ATP2B2: variants seen among roughly 807,000 people sequenced by gnomAD.
ATP2B2 encodes ATPase plasma membrane Ca2+ transporting 2.
In ATP2B2, 15 loss-of-function variants were observed where a neutral mutation model predicts 120.0. That is an observed-to-expected ratio of 0.12 (90% CI 0.08 to 0.19). The LOEUF (loss-of-function observed/expected upper bound fraction) is 0.19. Ranked by LOEUF, ATP2B2 falls within the 10% of genes least tolerant of loss-of-function variation. ATP2B2 has a pLI of 1.00. For missense variants in ATP2B2, 1,045 were observed against 1,719.8 expected, an observed-to-expected ratio of 0.61 and a Z score of 6.94; for synonymous variants, 694 against 700.3, an observed-to-expected ratio of 0.99 and a Z score of 0.14.
Position 10,490,486 on chromosome 3 carries a change from C to G in ATP2B2, c.-320+14979G>C, listed in dbSNP as rs2065894464. Among the ~76,000 whole-genome samples, 4 of 149,446 alleles carry G rather than the reference C, an allele frequency of 2.7e-5. No homozygotes were observed. In the South Asian group the frequency reaches 6.4e-4, roughly 24 times the overall value. On this transcript the variant is annotated intron_variant, in intron 1 of 22. Coordinates refer to ENST00000360273, the MANE Select transcript of ATP2B2 (RefSeq NM_001001331.4). Reference sequence around the variant, plus strand: ...TGATGAAATCTCGGCTCACTGCAACCTCCTCCTGTGTTTAAGCAATTCCTG... The same window carrying G: ...TGATGAAATCTCGGCTCACTGCAACGTCCTCCTGTGTTTAAGCAATTCCTG...
chr3:10,619,840 C>T (rs1209400778), intron 2 of ATP2B2: 4 of 152,256 alleles, frequency 2.6e-5, no homozygotes, highest in Non-Finnish European at 5.9e-5. Context: ...CTGCCAGAAG[C>T]TCTGGGTGCA....
intron 1 of ATP2B2, among the ~76,000 whole-genome samples, chr3:10,688,069 CT>C (rs1559522071): frequency 6.6e-6 from 1 of 152,090 alleles, no homozygotes; most frequent in Non-Finnish European, 1.5e-5. Context: ...ACCATGACCC[CT>C]ATGAGGAAGT....
intron 22 of ATP2B2, chr3:10,332,291 G>A (rs1445874183): frequency 2.1e-6 from 1 of 478,436 alleles, no homozygotes; most frequent in East Asian, 3.1e-5. Flanking sequence ...TGTCTAGCAA[G>A]GTACGGCGTC....
At chr3:10,548,850 G>C (rs1010314700) in intron 2 of ATP2B2, among the ~76,000 whole-genome samples, 6 of 152,188 alleles carry the variant, frequency 3.9e-5, no homozygotes, top group African/African-American at 1.4e-4. Flanking sequence ...CTTTCCCAGC[G>C]TAACATGGAA....
At chr3:10,379,139 T>C (rs1299946707) in intron 9 of ATP2B2, 104 bp downstream of exon 9, 2 of 1,348,564 alleles carry the variant, frequency 1.5e-6, no homozygotes, top group South Asian at 2.4e-5. Context: ...GGAGTGGATG[T>C]GTCTGCCTCT....
rs2061357326 is a variant in ATP2B2 at position 10,375,515 on chromosome 3, A to G, written c.1331T>C (p.Phe444Ser). Residue 444 changes from phenylalanine to serine, a missense_variant, in exon 11 of 23, where the codon TTC becomes TCC. Phe to Ser is a radical substitution (Grantham distance 155). This residue lies in a region of ATP2B2 where 343 missense variants were observed against 536.8 expected (regional missense o/e 0.64). Coordinates refer to ENST00000360273, the MANE Select transcript of ATP2B2 (RefSeq NM_001001331.4). This position sits in a 1 kb window ranked among gnomAD's most constrained non-coding sequence, Gnocchi z 4.2. ...PVYVQYFVKFFIIGVTVLVVA... is the reference protein window; with the variant it reads ...PVYVQYFVKFSIIGVTVLVVA... ...CACCAGCACCGTCACGCCAATGATG[A>G]AGAACTTGACAAAGTACTGCACGTA... The G allele has an allele frequency of 5.0e-6, 8 of 1,613,600 alleles. No homozygotes were observed. Among genetic ancestry groups the G allele is most frequent in the African/African-American group, 1.3e-5 (1 of 74,922 alleles).
At chr3:10,455,570 C>A (rs1017969398) in intron 1 of ATP2B2, among the ~76,000 whole-genome samples, 1 of 152,248 alleles carries the variant, frequency 6.6e-6, no homozygotes, top group African/African-American at 2.4e-5. Flanking sequence ...TTGAGTCCCC[C>A]CTGCTCCCCT....
chr3:10,700,301 A>T (rs937745238), intron 1 of ATP2B2, among the ~76,000 whole-genome samples: 19 of 152,138 alleles, frequency 1.2e-4, no homozygotes, highest in Non-Finnish European at 2.4e-4. Context: ...GCCTCACAGA[A>T]AAAGCCCAAT....
chr3:10,334,777 C>T (rs1355264813), intron 22 of ATP2B2, among the ~76,000 whole-genome samples: 1 of 151,264 alleles, frequency 6.6e-6, no homozygotes, highest in Non-Finnish European at 1.5e-5. Flanking sequence ...CTGAGGGAGG[C>T]GCTCCCACCA....
chr3:10,336,192 T>C, intron 22 of ATP2B2: 1 of 1,550,638 alleles, frequency 6.4e-7, no homozygotes, highest in Non-Finnish European at 8.7e-7. Context: ...GACACGCGAC[T>C]AGGGCTAGAG....
intron 1 of ATP2B2, among the ~76,000 whole-genome samples, chr3:10,662,076 T>C (rs1478308867): frequency 6.6e-6 from 1 of 152,168 alleles, no homozygotes; most frequent in African/African-American, 2.4e-5. Flanking sequence ...GATCCCTTCC[T>C]TACACCTTAT....
intron 1 of ATP2B2, among the ~76,000 whole-genome samples, chr3:10,686,207 T>A (rs1453056253): frequency 6.6e-6 from 1 of 152,170 alleles, no homozygotes; most frequent in Non-Finnish European, 1.5e-5. Flanking sequence ...TGGGTCACAC[T>A]GTTCCCCACA....
At chr3:10,440,743 T>C (rs557189279) in intron 2 of ATP2B2, among the ~76,000 whole-genome samples, 246 of 152,328 alleles carry the variant, frequency 1.6e-3, no homozygotes, top group Non-Finnish European at 2.8e-3. Flanking sequence ...GCAGTAGTTA[T>C]TTTTGTCAAT....
chr3:10,338,202 G>T lies in ATP2B2; in HGVS notation c.3394C>A (p.Arg1132=). ...ELRRGQILWF[R]GLNRIQTQIR... Reference sequence around the variant, plus strand: ...TGTGTCTGGATCCGATTCAGGCCTCGGAACCACAGGATCTGGCCCCGCCGC... The same window carrying T: ...TGTGTCTGGATCCGATTCAGGCCTCTGAACCACAGGATCTGGCCCCGCCGC... The change falls in exon 22 of 23, where the codon CGA becomes AGA. Residue 1132 remains arginine, a synonymous_variant. Transcript: ENST00000360273. The T allele has an allele frequency of 6.2e-7, 1 of 1,614,090 alleles. No individual in the cohort carries two copies. Among genetic ancestry groups the T allele is most frequent in the Non-Finnish European group, 8.5e-7 (1 of 1,180,022 alleles).
intron 1 of ATP2B2, among the ~76,000 whole-genome samples, chr3:10,697,132 C>T (rs745422861): frequency 3.9e-5 from 6 of 152,194 alleles, no homozygotes; most frequent in Non-Finnish European, 7.3e-5. Context: ...ACCCTGAATC[C>T]TATTACAAAC....
At chr3:10,453,587 G>A (rs1015433279) in intron 1 of ATP2B2, among the ~76,000 whole-genome samples, 1 of 152,146 alleles carries the variant, frequency 6.6e-6, no homozygotes, top group African/African-American at 2.4e-5. Flanking sequence ...CTTAAATGAA[G>A]TGCCATATGT....
rs577301747 is a variant in ATP2B2 at position 10,361,233 on chromosome 3, T to C, written c.1660-1110A>G. On this transcript the variant is annotated intron_variant, in intron 12 of 22. Transcript: ENST00000360273. ...ATGGGCAAGTTCATGCAGTTTAACC[T>C]AATGAGACTCCTGACCTCAAGTAAT... Among the ~76,000 whole-genome samples the C allele has an allele frequency of 2.0e-5, 3 of 152,332 alleles. No homozygotes were observed. The South Asian group carries it at 6.2e-4, about 32-fold the overall frequency.
intron 2 of ATP2B2, among the ~76,000 whole-genome samples, chr3:10,432,850 G>T (rs2063362620): frequency 6.6e-6 from 1 of 152,220 alleles, no homozygotes; most frequent in South Asian, 2.1e-4. Flanking sequence ...GGAGGCGGTG[G>T]AGAGGTTGCT....
intron 2 of ATP2B2, among the ~76,000 whole-genome samples, chr3:10,604,328 C>T (rs2069003574): frequency 6.6e-6 from 1 of 152,220 alleles, no homozygotes; most frequent in Non-Finnish European, 1.5e-5. Context: ...CTCCACATGG[C>T]AGGTGGGCTA....
Sources: gnomAD v4.1 joint callset for allele counts (sites outside exome capture counted in the v4.1 genomes callset) on GRCh38, gnomAD v4.1.1 for gene constraint, gnomAD v4.1.1 regional missense constraint, Gnocchi (gnomAD v3.1) non-coding constraint, MANE v1.5 for transcripts, NCBI Gene and HGNC (gene_info 2026-07-23, HGNC 2026-07-21) for gene names.